Variants in TEX11 observed in about 807,000 individuals in gnomAD.
TEX11 encodes testis-expressed protein 11.
In TEX11, 7 loss-of-function variants were observed where a neutral mutation model predicts 84.4. The observed-to-expected ratio is 0.08, with a 90% CI of 0.05 to 0.16. The LOEUF (loss-of-function observed/expected upper bound fraction) is 0.16. Among genes scored for constraint, TEX11 ranks in the 10% least tolerant of loss-of-function variants. The probability of loss-of-function intolerance (pLI) is 1.00; values close to 1 mark genes in which losing one functional copy is unlikely to be tolerated. For missense variants in TEX11, 551 were observed against 660.5 expected (o/e 0.83, Z 1.82); for synonymous variants, 264 against 222.8 (o/e 1.18, Z -1.64).
chrX:70,623,935 G>T lies in TEX11; in HGVS notation c.1751+15C>A, dbSNP rs1416998752. The T allele has an allele frequency of 8.4e-7, 1 of 1,189,685 alleles. No individual in the cohort carries two copies. The highest frequency in any genetic ancestry group is 1.9e-5 in the South Asian group (1 of 53,580). On this transcript the variant is annotated intron_variant, in intron 20 of 29. Transcript: ENST00000374333. ...GTCTAATGGGGAATACATCATTTTT[G>T]TTGAAATAACTCACTTATCTTCAGA...
intron 25 of TEX11, among the ~76,000 whole-genome samples, chrX:70,569,272 C>T (rs1342510214): frequency 8.9e-6 from 1 of 111,836 alleles, no homozygotes; most frequent in Non-Finnish European, 1.9e-5. Flanking sequence ...CCTTTAAGCA[C>T]TTCTCTGTAT....
At chrX:70,775,950 T>C (rs2090999282) in intron 9 of TEX11, among the ~76,000 whole-genome samples, 1 of 108,630 alleles carries the variant, frequency 9.2e-6, no homozygotes, top group Admixed American at 1.0e-4. Flanking sequence ...CAAAAGTTAA[T>C]GGATGGTGGC....
rs565454475 is a variant in TEX11 at position 70,783,762 on chromosome X, C to T, written c.692+22943G>A. Among the ~76,000 whole-genome samples the T allele has an allele frequency of 1.5e-4, 17 of 111,382 alleles. No individual in the cohort carries two copies. The East Asian group carries it at 4.8e-3, about 32-fold the overall frequency. ...AAATTCCTGGACACTTACATCCTCC[C>T]AAGACTAAACCAGGAAGAAGTTGAA... On this transcript the variant is annotated intron_variant, in intron 9 of 29. Coordinates refer to ENST00000374333, the MANE Select transcript of TEX11 (RefSeq NM_031276.3).
At chrX:70,905,173 A>G (rs1482823370) in intron 2 of TEX11, among the ~76,000 whole-genome samples, 1 of 111,846 alleles carries the variant, frequency 8.9e-6, no homozygotes, top group Non-Finnish European at 1.9e-5. Context: ...ACTACAAAAA[A>G]TTAGCCAGGC....
intron 9 of TEX11, among the ~76,000 whole-genome samples, chrX:70,747,379 T>C (rs1244670744): frequency 8.9e-6 from 1 of 111,833 alleles, no homozygotes; most frequent in Non-Finnish European, 1.9e-5. Flanking sequence ...GTGTGGAAAA[T>C]AAATTCCACC....
intron 16 of TEX11, among the ~76,000 whole-genome samples, chrX:70,663,896 C>A (rs2089953524): frequency 1.8e-5 from 2 of 111,551 alleles, no homozygotes; most frequent in South Asian, 7.6e-4. Context: ...TCACAATCTG[C>A]AGATGCTCAA....
intron 28 of TEX11, among the ~76,000 whole-genome samples, chrX:70,548,891 C>T (rs73538759): frequency 0.079 from 8,793 of 111,196 alleles, 751 homozygotes; most frequent in African/African-American, 0.25. Flanking sequence ...GGAGCCAGTG[C>T]ATCTGGGGGA....
chrX:70,773,326 T>C (rs2147779027), intron 9 of TEX11, among the ~76,000 whole-genome samples: 1 of 111,217 alleles, frequency 9.0e-6, no homozygotes, highest in East Asian at 2.8e-4. Flanking sequence ...TCCATAAGAC[T>C]ATCACCAGAT....
chrX:70,754,932 C>A (rs749319728), intron 9 of TEX11, among the ~76,000 whole-genome samples: 173 of 111,875 alleles, frequency 1.5e-3, no homozygotes, highest in African/African-American at 5.5e-3. Flanking sequence ...CTTGGGATGC[C>A]CCCTAAAACA....
intron 2 of TEX11, among the ~76,000 whole-genome samples, chrX:70,905,611 A>G (rs2091825229): frequency 9.0e-6 from 1 of 111,613 alleles, no homozygotes; most frequent in Admixed American, 9.6e-5. Flanking sequence ...TCGTTGTAGC[A>G]TTGTTGTTTT....
At chrX:70,661,992 T>C (rs1204759789) in intron 16 of TEX11, among the ~76,000 whole-genome samples, 4 of 112,066 alleles carry the variant, frequency 3.6e-5, no homozygotes, top group African/African-American at 1.3e-4. Flanking sequence ...CAGCTCCTCA[T>C]CAGCAACGGA....
intron 25 of TEX11, among the ~76,000 whole-genome samples, chrX:70,580,660 A>G (rs1267479225): frequency 2.7e-5 from 3 of 112,634 alleles, no homozygotes; most frequent in South Asian, 7.2e-4. Context: ...TATTTATGTA[A>G]TGTATAAAAC....
At chrX:70,567,211 T>C (rs2088499886) in intron 25 of TEX11, among the ~76,000 whole-genome samples, 1 of 111,225 alleles carries the variant, frequency 9.0e-6, no homozygotes, top group African/African-American at 3.3e-5. Flanking sequence ...TGTAGTATTC[T>C]CTGATGGTAG....
At chrX:70,586,609 T>C (rs1432412222) in intron 25 of TEX11, among the ~76,000 whole-genome samples, 2 of 111,456 alleles carry the variant, frequency 1.8e-5, no homozygotes, top group Non-Finnish European at 3.8e-5. Flanking sequence ...GAAATACTAA[T>C]CAAAACCATG....
rs779469803 is a variant in TEX11 at position 70,814,502 on chromosome X, A to G, written c.607-7712T>C. ...TAATAGGCAGAAAACTGAGTTTTAC[A>G]TCAAAAGGAGTAATTCATTTATGTG... On this transcript the variant is annotated intron_variant, in intron 8 of 29. Transcript: ENST00000374333. 3.3e-4 allele frequency among the ~76,000 whole-genome samples: 37 copies of G among 112,958 alleles called. No homozygotes were observed. The Admixed American group carries it at 3.4e-3, about 10-fold the overall frequency.
chrX:70,547,878 G>A (rs1322210875), intron 28 of TEX11, among the ~76,000 whole-genome samples: 2 of 111,682 alleles, frequency 1.8e-5, no homozygotes, highest in Non-Finnish European at 3.8e-5. Context: ...TCAGGGATCT[G>A]GAACTAGAAA....
chrX:70,763,486 G>A (rs1031418669), intron 9 of TEX11, among the ~76,000 whole-genome samples: 2 of 110,628 alleles, frequency 1.8e-5, no homozygotes, highest in African/African-American at 6.6e-5. Flanking sequence ...ATTACATATT[G>A]GGTACAGTGT....
At chrX:70,863,594 AG>A (rs1221709430) in intron 4 of TEX11, among the ~76,000 whole-genome samples, 1 of 112,161 alleles carries the variant, frequency 8.9e-6, no homozygotes, top group Non-Finnish European at 1.9e-5. Context: ...AAGATCAAAA[AG>A]GTAGATAAAT....
At chrX:70,811,345 G>A (rs2091252931) in intron 8 of TEX11, among the ~76,000 whole-genome samples, 1 of 111,291 alleles carries the variant, frequency 9.0e-6, no homozygotes, top group African/African-American at 3.3e-5. Flanking sequence ...TCCCTGCAAA[G>A]GACATGAACT....
Sources: allele counts gnomAD v4.1 joint callset (sites outside exome capture counted in the v4.1 genomes callset), GRCh38; gene constraint gnomAD v4.1.1; transcripts MANE v1.5; gene names NCBI Gene and HGNC (gene_info 2026-07-23, HGNC 2026-07-21).